The following TRIO variants were observed in gnomAD, a reference collection of about 807,000 sequenced individuals.
TRIO encodes triple functional domain protein.
A neutral mutation model predicts 351.9 loss-of-function variants in TRIO; 58 were observed. The ratio of observed to expected loss-of-function variants is 0.16; its 90% CI spans 0.13 to 0.21. The LOEUF is 0.21. Ranked by LOEUF, TRIO falls within the 10% of genes least tolerant of loss-of-function variation. The probability of loss-of-function intolerance (pLI) is 1.00; values close to 1 mark genes in which losing one functional copy is unlikely to be tolerated. For missense variants in TRIO, 3,201 were observed against 4,027.8 expected, an observed-to-expected ratio of 0.79 and a Z score of 5.56; for synonymous variants, 1,758 against 1,595.7, an observed-to-expected ratio of 1.10 and a Z score of -2.42.
chr5:14,424,841 C>G (rs1380302913), intron 34 of TRIO, among the ~76,000 whole-genome samples: 3 of 152,246 alleles, frequency 2.0e-5, no homozygotes, highest in Non-Finnish European at 4.4e-5. Context: ...TGGGTCCACC[C>G]TGCTTTTCTC....
At chr5:14,264,744 C>T (rs959539740) in intron 1 of TRIO, among the ~76,000 whole-genome samples, 2 of 152,192 alleles carry the variant, frequency 1.3e-5, no homozygotes, top group African/African-American at 4.8e-5. Flanking sequence ...GCGGCCGCTC[C>T]CTGTGCTGAG....
At chr5:14,309,670 G>A (rs1286362444) in intron 8 of TRIO, among the ~76,000 whole-genome samples, 3 of 152,210 alleles carry the variant, frequency 2.0e-5, no homozygotes, top group African/African-American at 7.2e-5. Context: ...TCCTGAGCTT[G>A]CTCTGAAGAG....
At chr5:14,348,360 C>A (rs1211418759) in intron 11 of TRIO, among the ~76,000 whole-genome samples, 1 of 152,234 alleles carries the variant, frequency 6.6e-6, no homozygotes, top group Non-Finnish European at 1.5e-5. Context: ...TGATGAAATA[C>A]CATTTCTGGG....
At chr5:14,207,538 A>AGC (rs1791617317) in intron 1 of TRIO, among the ~76,000 whole-genome samples, 9 of 149,504 alleles carry the variant, frequency 6.0e-5, no homozygotes, top group East Asian at 2.0e-4. Flanking sequence ...ACACACACAC[A>AGC]CACACACACA....
At chr5:14,318,314 G>T (rs1227131793) in intron 9 of TRIO, among the ~76,000 whole-genome samples, 2 of 148,412 alleles carry the variant, frequency 1.3e-5, no homozygotes, top group Non-Finnish European at 3.0e-5. Flanking sequence ...AATTAGCCTG[G>T]CGTGCTGGCA....
chr5:14,386,524 A>T (rs1206224437), intron 21 of TRIO, among the ~76,000 whole-genome samples: 3 of 152,254 alleles, frequency 2.0e-5, no homozygotes, highest in Non-Finnish European at 4.4e-5. Context: ...TGTGTTAAAA[A>T]GATTTTCTAG....
intron 1 of TRIO, among the ~76,000 whole-genome samples, chr5:14,259,429 C>G (rs1469359821): frequency 2.0e-5 from 3 of 152,218 alleles, no homozygotes; most frequent in Non-Finnish European, 4.4e-5. Context: ...TCTTTGTTTT[C>G]TGCGTTAGCA....
intron 11 of TRIO, among the ~76,000 whole-genome samples, chr5:14,339,604 G>A (rs1260646920): frequency 2.6e-5 from 4 of 152,162 alleles, no homozygotes; most frequent in Non-Finnish European, 5.9e-5. Context: ...TGCACGTCAC[G>A]TAACCTGGGA....
chr5:14,236,895 A>G (rs1295293344), intron 1 of TRIO, among the ~76,000 whole-genome samples: 3 of 152,148 alleles, frequency 2.0e-5, no homozygotes, highest in Non-Finnish European at 4.4e-5. Context: ...TTTCTGTCTC[A>G]GTGGCTTTGC....
At chr5:14,409,014 C>T (rs1201739198) in intron 33 of TRIO, among the ~76,000 whole-genome samples, 10 of 151,976 alleles carry the variant, frequency 6.6e-5, no homozygotes, top group African/African-American at 2.4e-4. Flanking sequence ...TAAATGGGTG[C>T]CTGGGAGTCT....
In TRIO at chr5:14,388,527, A is replaced by G. The variant is rs16903453; in HGVS notation, c.3882-86A>G. 0.061 allele frequency: 79,706 copies of G among 1,297,874 alleles called. 3,808 individuals are homozygous for G. The highest frequency in any genetic ancestry group is 0.24 in the African/African-American group (15,959 of 67,286). 80.4% of individuals were successfully genotyped at this position (1,297,874 alleles called of 1,614,324 possible). A position where few individuals can be genotyped will look rare whatever the true frequency, so the allele number is the denominator to read the frequency against. On this transcript the variant is annotated intron_variant, in intron 23 of 56. Coordinates refer to ENST00000344204, the MANE Select transcript of TRIO (RefSeq NM_007118.4). The stretch of plus-strand genomic sequence containing the variant: ...ATCTAAGACTAATACTTTTAGACCC[A>G]CTCTGTTATTTCATAAATCCATAAA...
chr5:14,420,722 C>A (rs893118826), intron 34 of TRIO: 11 of 152,680 alleles, frequency 7.2e-5, no homozygotes, highest in African/African-American at 2.7e-4. Context: ...TGCCAGAATG[C>A]TTTGCATTCA....
chr5:14,239,585 A>G (rs1581423338), intron 1 of TRIO, among the ~76,000 whole-genome samples: 2 of 152,180 alleles, frequency 1.3e-5, no homozygotes, highest in African/African-American at 4.8e-5. Context: ...CTGCTGCCCC[A>G]CTTTACAGGT....
At chr5:14,271,634 C>A (rs1795980301) in intron 2 of TRIO, among the ~76,000 whole-genome samples, 1 of 152,158 alleles carries the variant, frequency 6.6e-6, no homozygotes, top group Non-Finnish European at 1.5e-5. Context: ...TCACTTGTTA[C>A]CAAACAAAGA....
At chr5:14,297,493 A>G in intron 7 of TRIO, 1 of 469,104 alleles carries the variant, frequency 2.1e-6, no homozygotes, top group Non-Finnish European at 3.8e-6. Context: ...TAAAGTAGAA[A>G]TAAAAGTACC....
intron 1 of TRIO, among the ~76,000 whole-genome samples, chr5:14,172,374 C>T (rs1009437337): frequency 1.3e-5 from 2 of 152,156 alleles, no homozygotes; most frequent in Admixed American, 6.5e-5. Flanking sequence ...AATAACTAAA[C>T]AGTGTCACAG....
chr5:14,276,359 G>C (rs867139957), intron 2 of TRIO, among the ~76,000 whole-genome samples: 3 of 152,348 alleles, frequency 2.0e-5, no homozygotes, highest in Middle Eastern at 6.8e-3. Flanking sequence ...AATACTCCAT[G>C]AGCCAATTCC....
chr5:14,278,780 TC>T (rs1159814157), intron 2 of TRIO, among the ~76,000 whole-genome samples: 1 of 152,230 alleles, frequency 6.6e-6, no homozygotes, highest in Non-Finnish European at 1.5e-5. Flanking sequence ...CAGTACTGCT[TC>T]TCATGTTTAA....
intron 1 of TRIO, among the ~76,000 whole-genome samples, chr5:14,178,585 G>A (rs1220108044): frequency 2.0e-5 from 3 of 152,178 alleles, no homozygotes; most frequent in African/African-American, 7.2e-5. Flanking sequence ...AGAACAGTAG[G>A]GGTAAACTGA....
Sources: allele counts gnomAD v4.1 joint callset (sites outside exome capture counted in the v4.1 genomes callset), GRCh38; gene constraint gnomAD v4.1.1; transcripts MANE v1.5; gene names NCBI Gene and HGNC (gene_info 2026-07-23, HGNC 2026-07-21).